WNT9B: variants seen among roughly 807,000 people sequenced by gnomAD.
WNT9B encodes Wnt family member 9B, also known as protein Wnt-9b.
Under a neutral mutation model 30.2 loss-of-function variants are expected in WNT9B, and 12 were observed. The observed-to-expected ratio is 0.40, with a 90% CI of 0.26 to 0.64. The LOEUF is 0.64. Ranked by LOEUF, WNT9B falls within the 30% of genes least tolerant of loss-of-function variation. WNT9B has a pLI of 0.42. For synonymous variants in WNT9B, 218 were observed against 216.9 expected, an observed-to-expected ratio of 1.01 and a Z score of -0.05; for missense variants, 442 against 485.2, an observed-to-expected ratio of 0.91 and a Z score of 0.84.
At chr17:46,876,097 T>C in intron 3 of WNT9B, 148 bp from the exon 4 acceptor site, 1 of 727,358 alleles carries the variant, frequency 1.4e-6, no homozygotes, top group Non-Finnish European at 2.2e-6. Context: ...CCACAAGAAC[T>C]CCAGGCCAAG....
rs926528536 is a variant in WNT9B, at chr17:46,878,936, C to T, written c.*2218C>T. On this transcript the variant is annotated 3_prime_UTR_variant, in exon 4 of 4. Coordinates refer to ENST00000290015, the MANE Select transcript of WNT9B (RefSeq NM_003396.3). ...GGGTCTTCTCTGTCTGTCTCTCTCC[C>T]TCTCTTCTTCCTTGCTCTCATCCCT... Among the ~76,000 whole-genome samples, 4 of 152,192 alleles carry T rather than the reference C, an allele frequency of 2.6e-5. No individual in the cohort carries two copies. The highest frequency in any genetic ancestry group is 4.4e-5 in the Non-Finnish European group (3 of 68,038).
At chr17:46,866,894 G>A (rs1051666422) in intron 1 of WNT9B, among the ~76,000 whole-genome samples, 1 of 152,152 alleles carries the variant, frequency 6.6e-6, no homozygotes, top group Non-Finnish European at 1.5e-5. Flanking sequence ...GGTCCTCTTA[G>A]GTGATGAGAA....
At chr17:46,836,370 T>C in intron 1 of WNT9B, among the ~76,000 whole-genome samples, 1 of 152,180 alleles carries the variant, frequency 6.6e-6, no homozygotes, top group East Asian at 1.9e-4. Context: ...TAGGGATGCT[T>C]TCTCTTTTCA....
intron 1 of WNT9B, among the ~76,000 whole-genome samples, chr17:46,840,235 C>T (rs537408184): frequency 3.8e-4 from 57 of 151,898 alleles, no homozygotes; most frequent in South Asian, 8.3e-4. Flanking sequence ...TACAGGTGCC[C>T]GACACCACGC....
chr17:46,880,652 T>A (rs2085410745), downstream of WNT9B, among the ~76,000 whole-genome samples: 1 of 152,220 alleles, frequency 6.6e-6, no homozygotes, highest in South Asian at 2.1e-4. Flanking sequence ...ATGAGAAGCC[T>A]CCTCATTGCA....
In WNT9B at chr17:46,877,118, G is replaced by T. The variant is rs1041512169; in HGVS notation, c.*400G>T. ...ATGTTCTTGGGAGGTGAACTGCTGG[G>T]CTAGGAATGCCAAGGCAGGCAGTGC... is the stretch of plus-strand genomic sequence containing the variant. On this transcript the variant is annotated 3_prime_UTR_variant, in exon 4 of 4. Transcript: ENST00000290015. 1.0e-6 allele frequency: 1 copy of T among 981,006 alleles called. No homozygotes were observed. Among genetic ancestry groups the T allele is most frequent in the Non-Finnish European group, 1.2e-6 (1 of 825,878 alleles). 60.8% of individuals were successfully genotyped at this position (981,006 alleles called of 1,614,324 possible). A position where few individuals can be genotyped will look rare whatever the true frequency, so the allele number is the denominator to read the frequency against.
At chr17:46,847,944 C>G (rs1036540071), upstream of WNT9B, among the ~76,000 whole-genome samples, 1 of 149,492 alleles carries the variant, frequency 6.7e-6, no homozygotes, top group South Asian at 2.1e-4. Flanking sequence ...AGCTTTCAGC[C>G]TCATCATGTT....
intron 1 of WNT9B, among the ~76,000 whole-genome samples, chr17:46,839,920 C>CTTTCTT (rs1568113557): frequency 1.3e-5 from 1 of 75,882 alleles, no homozygotes. Context: ...TCTTTTCTTT[C>CTTTCTT]TTTCTTTCTT....
chr17:46,859,771 A>G (rs1254574250), intron 1 of WNT9B, among the ~76,000 whole-genome samples: 4 of 152,194 alleles, frequency 2.6e-5, no homozygotes, highest in Non-Finnish European at 4.4e-5. Context: ...GAATCTATAC[A>G]TCAGTTCATG....
rs529036501 is a variant in WNT9B at position 46,868,688 on chromosome 17, G to A, written c.78-3829G>A. 2.4e-4 allele frequency among the ~76,000 whole-genome samples: 36 copies of A among 152,306 alleles called. No individual in the cohort carries two copies. The South Asian group carries it at 7.5e-3, about 32-fold the overall frequency. On this transcript the variant is annotated intron_variant, in intron 1 of 3. Coordinates refer to ENST00000290015, the MANE Select transcript of WNT9B (RefSeq NM_003396.3). ...AAGGAAGCCCACTTGAATTTCTCCAGTTGTCCATCTTACCCCCTTGGCACT... is the reference window on the plus strand; with the variant it reads ...AAGGAAGCCCACTTGAATTTCTCCAATTGTCCATCTTACCCCCTTGGCACT...
upstream of WNT9B, among the ~76,000 whole-genome samples, chr17:46,847,949 C>A (rs930819957): frequency 6.9e-6 from 1 of 145,002 alleles, no homozygotes; most frequent in Non-Finnish European, 1.5e-5. Flanking sequence ...TCAGCCTCAT[C>A]ATGTTTGTGA....
At chr17:46,873,421 A>G (rs2085289391) in intron 2 of WNT9B, among the ~76,000 whole-genome samples, 2 of 152,100 alleles carry the variant, frequency 1.3e-5, no homozygotes, top group Non-Finnish European at 2.9e-5. Context: ...TCTGGAAGGG[A>G]GAACACAGGT....
At chr17:46,867,789 C>T (rs2085164792) in intron 1 of WNT9B, among the ~76,000 whole-genome samples, 1 of 152,070 alleles carries the variant, frequency 6.6e-6, no homozygotes, top group African/African-American at 2.4e-5. Context: ...TGAGATGAAG[C>T]CCTGAGGGGC....
chr17:46,877,155 G>A lies in WNT9B; in HGVS notation c.*437G>A. 1.1e-6 allele frequency: 1 copy of A among 919,252 alleles called. No homozygotes were observed. The allele number at this position is 919,252 out of a possible 1,614,324, so 56.9% of individuals were successfully genotyped here. On this transcript the variant is annotated 3_prime_UTR_variant, in exon 4 of 4. Coordinates refer to ENST00000290015, the MANE Select transcript of WNT9B (RefSeq NM_003396.3). ...AAGGCAGGCAGTGCCAGCTGGAAGTGAAGGCGGGAGCCTGGCTGAGATGGG... is the reference window on the plus strand; with the variant it reads ...AAGGCAGGCAGTGCCAGCTGGAAGTAAAGGCGGGAGCCTGGCTGAGATGGG...
At chr17:46,870,098 A>G (rs2085213554) in intron 1 of WNT9B, among the ~76,000 whole-genome samples, 1 of 152,226 alleles carries the variant, frequency 6.6e-6, no homozygotes, top group Non-Finnish European at 1.5e-5. Context: ...CATTTGAGGC[A>G]GGTCTTGAAG....
upstream of WNT9B, among the ~76,000 whole-genome samples, chr17:46,850,988 CCT>C (rs1360475135): frequency 6.6e-6 from 1 of 152,250 alleles, no homozygotes; most frequent in Admixed American, 6.5e-5. Flanking sequence ...AGCGCCCTTT[CCT>C]CTCTCCCCTC....
At chr17:46,840,037 T>G (rs1276601187) in intron 1 of WNT9B, among the ~76,000 whole-genome samples, 1 of 144,032 alleles carries the variant, frequency 6.9e-6, no homozygotes, top group African/African-American at 2.6e-5. Context: ...CTTTCTTTTC[T>G]TTCTTTCTTT....
intron 1 of WNT9B, among the ~76,000 whole-genome samples, chr17:46,865,709 G>A (rs1305771837): frequency 2.0e-5 from 3 of 152,086 alleles, no homozygotes; most frequent in African/African-American, 4.8e-5. Context: ...TTGACCTCCT[G>A]GGCTCAAGCG....
chr17:46,872,737 T>C lies in WNT9B; in HGVS notation c.298T>C (p.Cys100Arg). 1 of 1,610,236 alleles carries C rather than the reference T, an allele frequency of 6.2e-7. No individual in the cohort carries two copies. The highest frequency in any genetic ancestry group is 8.5e-7 in the Non-Finnish European group (1 of 1,179,162). ...QFQFRHERWN[C>R]SLEGRMGLLK... ...TCAGTTCCGGCATGAGCGCTGGAAC[T>C]GTAGCCTGGAGGGCAGGATGGGCCT... Residue 100 changes from cysteine to arginine, a missense_variant, in exon 2 of 4, where the codon TGT becomes CGT. Transcript: ENST00000290015.
Sources: allele counts gnomAD v4.1 joint callset (sites outside exome capture counted in the v4.1 genomes callset), GRCh38; gene constraint gnomAD v4.1.1; transcripts MANE v1.5; gene names NCBI Gene and HGNC (gene_info 2026-07-23, HGNC 2026-07-21).